Variants in DAB1 observed in about 807,000 individuals in gnomAD.
DAB1 encodes disabled homolog 1.
A neutral mutation model predicts 64.6 loss-of-function variants in DAB1; 15 were observed. The ratio of observed to expected loss-of-function variants is 0.23; its 90% CI spans 0.16 to 0.36. DAB1 has a LOEUF of 0.36. DAB1 is among the 10% of genes least tolerant of loss of function. The probability of loss-of-function intolerance (pLI) is 1.00; values close to 1 mark genes in which losing one functional copy is unlikely to be tolerated. For synonymous variants in DAB1, 235 were observed against 251.9 expected, an observed-to-expected ratio of 0.93 and a Z score of 0.64; for missense variants, 596 against 706.7, an observed-to-expected ratio of 0.84 and a Z score of 1.78.
intron 9 of DAB1, among the ~76,000 whole-genome samples, chr1:57,055,668 A>G (rs932826077): frequency 7.2e-5 from 11 of 152,178 alleles, no homozygotes; most frequent in African/African-American, 2.7e-4. Context: ...TTGCCATGTT[A>G]CTGATTTATC....
At chr1:57,897,185 T>C (rs1644404132) in intron 5 of DAB1, among the ~76,000 whole-genome samples, 1 of 152,226 alleles carries the variant, frequency 6.6e-6, no homozygotes, top group Admixed American at 6.5e-5. Context: ...CTCCTTTCTA[T>C]GTTCTATCAA....
At position 57,779,169 on chromosome 1, in the gene DAB1, T is replaced by C. The variant is rs567348774; in HGVS notation, n.551+104830A>G. 2.0e-5 allele frequency among the ~76,000 whole-genome samples: 3 copies of C among 152,228 alleles called. No individual in the cohort carries two copies. The South Asian group carries it at 6.2e-4, about 32-fold the overall frequency. On this transcript the variant is annotated intron_variant and non_coding_transcript_variant, in intron 6 of 20. Coordinates refer to the DAB1 transcript ENST00000485760. ...AGAAGACTGGATTTGAATGTGGCCA[T>C]TAGGATAGTCTTCTCTGGGGGGTTA... is the stretch of plus-strand genomic sequence containing the variant.
chr1:57,297,684 C>T (rs1378380658), intron 1 of DAB1, among the ~76,000 whole-genome samples: 1 of 151,914 alleles, frequency 6.6e-6, no homozygotes, highest in Admixed American at 6.6e-5. Flanking sequence ...AGATTATTTC[C>T]AAATTAAGAA....
chr1:58,137,494 T>C (rs1038027296), intron 5 of DAB1, among the ~76,000 whole-genome samples: 4 of 152,072 alleles, frequency 2.6e-5, no homozygotes, highest in African/African-American at 9.7e-5. Flanking sequence ...TCCATCTATC[T>C]ACCCTCCATC....
At chr1:57,109,089 A>G (rs1191414423) in intron 4 of DAB1, among the ~76,000 whole-genome samples, 1 of 152,154 alleles carries the variant, frequency 6.6e-6, no homozygotes, top group African/African-American at 2.4e-5. Flanking sequence ...TATTTGGCAT[A>G]TGAATTTGGA....
At chr1:58,481,646 CAT>C (rs1241178832) in intron 3 of DAB1, among the ~76,000 whole-genome samples, 1 of 152,084 alleles carries the variant, frequency 6.6e-6, no homozygotes, top group Non-Finnish European at 1.5e-5. Context: ...ATATGGTTTG[CAT>C]ATGTCTCCAC....
intron 1 of DAB1, among the ~76,000 whole-genome samples, chr1:57,315,974 T>A (rs2100748678): frequency 6.6e-6 from 1 of 152,304 alleles, no homozygotes; most frequent in Non-Finnish European, 1.5e-5. Flanking sequence ...CTGGGGTAAC[T>A]TTATTCACTT....
At chr1:58,461,364 C>A (rs1230686756) in intron 3 of DAB1, among the ~76,000 whole-genome samples, 2 of 152,066 alleles carry the variant, frequency 1.3e-5, no homozygotes, top group Non-Finnish European at 2.9e-5. Context: ...GAGTCTAGTT[C>A]TTTCTTTTAA....
intron 1 of DAB1, among the ~76,000 whole-genome samples, chr1:57,873,024 T>C (rs188154987): frequency 1.8e-4 from 27 of 152,154 alleles, no homozygotes; most frequent in Middle Eastern, 3.4e-3. Flanking sequence ...TTTTGTGTGA[T>C]AGGACTCTAC....
At chr1:57,933,038 TAGG>T (rs1162460275) in intron 5 of DAB1, among the ~76,000 whole-genome samples, 6 of 152,154 alleles carry the variant, frequency 3.9e-5, no homozygotes, top group African/African-American at 1.4e-4. Flanking sequence ...ACAAAAGCAC[TAGG>T]AGGTTTTTCT....
chr1:58,096,983 T>C (rs1651022860), intron 5 of DAB1, among the ~76,000 whole-genome samples: 1 of 152,234 alleles, frequency 6.6e-6, no homozygotes, highest in Admixed American at 6.5e-5. Flanking sequence ...AATCTGCGGC[T>C]GTCAAATCAC....
chr1:58,016,160 C>T (rs1377703910), intron 5 of DAB1, among the ~76,000 whole-genome samples: 1 of 152,080 alleles, frequency 6.6e-6, no homozygotes, highest in Non-Finnish European at 1.5e-5. Flanking sequence ...GGGGTCAGTA[C>T]ATTTTTTTTT....
chr1:57,479,041 T>C (rs1310718203), intron 7 of DAB1, among the ~76,000 whole-genome samples: 3 of 152,186 alleles, frequency 2.0e-5, no homozygotes, highest in African/African-American at 7.2e-5. Flanking sequence ...AGATTGTACT[T>C]GTTATTTTAA....
chr1:57,073,393 C>G (rs1651687440), intron 4 of DAB1, among the ~76,000 whole-genome samples: 1 of 152,152 alleles, frequency 6.6e-6, no homozygotes, highest in Non-Finnish European at 1.5e-5. Context: ...ATTTGAAAAT[C>G]TTTTATAATT....
chr1:57,934,290 AT>A (rs1644996393), intron 5 of DAB1, among the ~76,000 whole-genome samples: 1 of 152,116 alleles, frequency 6.6e-6, no homozygotes, highest in Non-Finnish European at 1.5e-5. Context: ...AGAAAATGGA[AT>A]TTGAAAAGAC....
intron 6 of DAB1, among the ~76,000 whole-genome samples, chr1:57,740,183 C>T (rs1213487630): frequency 6.6e-6 from 1 of 152,168 alleles, no homozygotes; most frequent in Admixed American, 6.5e-5. Context: ...CACTGTACTC[C>T]AGCCTGGGTG....
At chr1:57,425,080 C>T (rs879458709), upstream of DAB1, among the ~76,000 whole-genome samples, 1 of 152,184 alleles carries the variant, frequency 6.6e-6, no homozygotes, top group South Asian at 2.1e-4. Context: ...AGACTAGATT[C>T]AACTCCAGAA....
intron 5 of DAB1, among the ~76,000 whole-genome samples, chr1:57,995,703 C>T (rs1348348991): frequency 6.6e-6 from 1 of 151,920 alleles, no homozygotes; most frequent in Admixed American, 6.6e-5. Flanking sequence ...AAGATCAAGA[C>T]CCTCTAGGGA....
chr1:57,371,259 G>A (rs1558257246), intron 1 of DAB1, among the ~76,000 whole-genome samples: 1 of 152,140 alleles, frequency 6.6e-6, no homozygotes, highest in South Asian at 2.1e-4. Context: ...GGCCACCGTC[G>A]AGTATCCCAC....
Sources: allele counts gnomAD v4.1 joint callset (sites outside exome capture counted in the v4.1 genomes callset), GRCh38; gene constraint gnomAD v4.1.1; transcripts MANE v1.5; gene names NCBI Gene and HGNC (gene_info 2026-07-23, HGNC 2026-07-21).